The following ZNF664 variants were observed in gnomAD, a reference collection of about 807,000 sequenced individuals.
ZNF664 encodes the protein zinc finger Organ of Corti 1.
ZNF664 carries 10 observed loss-of-function variants against 18.2 expected under a neutral mutation model. That is an observed-to-expected ratio of 0.55 (90% CI 0.34 to 0.93). The LOEUF is 0.93. Ranked by LOEUF, ZNF664 falls within the 40% of genes least tolerant of loss-of-function variation. ZNF664 has a pLI of 0.02. For synonymous variants in ZNF664, 119 were observed against 104.2 expected (o/e 1.14, Z -0.86); for missense variants, 193 against 319.0 (o/e 0.61, Z 3.01).
intron 3 of ZNF664, among the ~76,000 whole-genome samples, chr12:123,991,498 G>A (rs1024097712): frequency 6.6e-6 from 1 of 152,156 alleles, no homozygotes; most frequent in African/African-American, 2.4e-5. Context: ...GACATTCTTG[G>A]CAAATGAATG....
intron 3 of ZNF664, among the ~76,000 whole-genome samples, chr12:124,002,728 G>C (rs1241976160): frequency 6.6e-6 from 1 of 152,152 alleles, no homozygotes; most frequent in Non-Finnish European, 1.5e-5. Context: ...AATGAGGAAG[G>C]AACAGTTTGA....
intron 2 of ZNF664, among the ~76,000 whole-genome samples, chr12:123,975,849 T>C (rs1303786282): frequency 1.3e-5 from 2 of 152,214 alleles, no homozygotes; most frequent in Non-Finnish European, 2.9e-5. Flanking sequence ...TTGTAAGTTG[T>C]ACATGTATTT....
intron 2 of ZNF664, chr12:123,987,833 CT>C (rs1956842925): frequency 2.3e-6 from 1 of 441,708 alleles, no homozygotes; most frequent in South Asian, 9.6e-5. Flanking sequence ...CTGGATTTTC[CT>C]TTCTGTGGTT....
intron 3 of ZNF664, among the ~76,000 whole-genome samples, chr12:123,995,044 T>G (rs1399338835): frequency 6.6e-6 from 1 of 152,218 alleles, no homozygotes; most frequent in Non-Finnish European, 1.5e-5. Flanking sequence ...ATTTGCATAC[T>G]CAGTAATCTG....
chr12:124,002,545 C>T (rs936819531), intron 3 of ZNF664, among the ~76,000 whole-genome samples: 3 of 152,060 alleles, frequency 2.0e-5, no homozygotes, highest in Non-Finnish European at 1.5e-5. Context: ...GTGACCGTGG[C>T]CTGGATAGGG....
rs1218679289 is a variant in ZNF664, at chr12:124,013,068, T to C, written c.*138T>C. On this transcript the variant is annotated 3_prime_UTR_variant, in exon 5 of 5. Coordinates refer to ENST00000337815, the MANE Select transcript of ZNF664 (RefSeq NM_152437.3). ...TGTTTCTGAGGAGGCATATGTGAGATTGATTTGTTGGTTCATGCCAAGTGT... is the reference window on the plus strand; with the variant it reads ...TGTTTCTGAGGAGGCATATGTGAGACTGATTTGTTGGTTCATGCCAAGTGT... The C allele has an allele frequency of 5.0e-6, 6 of 1,192,320 alleles. No individual in the cohort carries two copies. The highest frequency in any genetic ancestry group is 4.7e-5 in the African/African-American group (3 of 63,946). The allele number at this position is 1,192,320 out of a possible 1,614,324, so 73.9% of individuals were successfully genotyped here. A position where few individuals can be genotyped will look rare whatever the true frequency, so the allele number is the denominator to read the frequency against.
At chr12:123,982,599 A>G (rs1442793119) in intron 2 of ZNF664, among the ~76,000 whole-genome samples, 1 of 152,192 alleles carries the variant, frequency 6.6e-6, no homozygotes, top group Admixed American at 6.5e-5. Flanking sequence ...CTCTAGAAGG[A>G]CAATCTGATT....
intron 3 of ZNF664, among the ~76,000 whole-genome samples, chr12:124,001,484 G>A (rs908472922): frequency 3.1e-4 from 47 of 152,114 alleles, no homozygotes; most frequent in African/African-American, 7.2e-4. Flanking sequence ...GTTCTGTCCC[G>A]TGCTTGCCTC....
intron 3 of ZNF664, among the ~76,000 whole-genome samples, chr12:123,993,551 G>A (rs373194706): frequency 6.6e-6 from 1 of 152,276 alleles, no homozygotes; most frequent in African/African-American, 2.4e-5. Flanking sequence ...TTTTCTAAAG[G>A]TGTAGTAGAG....
Position 124,000,237 on chromosome 12 carries a change from C to T in ZNF664, c.-660-11144C>T, listed in dbSNP as rs1956995806. On this transcript the variant is annotated intron_variant, in intron 3 of 4. Coordinates refer to ENST00000337815, the MANE Select transcript of ZNF664 (RefSeq NM_152437.3). ...CACCCTCCAGACAACCATCTCACAC[C>T]ACCTCTGTTCTCCTCAAACCTCCAG... 2.6e-5 allele frequency among the ~76,000 whole-genome samples: 4 copies of T among 152,300 alleles called. No individual in the cohort carries two copies. In the South Asian group the frequency reaches 8.3e-4, roughly 32 times the overall value.
chr12:124,010,569 A>G (rs1957124098), intron 3 of ZNF664, among the ~76,000 whole-genome samples: 1 of 152,224 alleles, frequency 6.6e-6, no homozygotes, highest in Admixed American at 6.5e-5. Context: ...ACCAGAATGA[A>G]GCAGGATATG....
intron 2 of ZNF664, among the ~76,000 whole-genome samples, chr12:123,985,062 G>T (rs1290332232): frequency 6.6e-6 from 1 of 152,066 alleles, no homozygotes; most frequent in African/African-American, 2.4e-5. Context: ...TGTAGTGGGG[G>T]TGGGGGTACA....
chr12:124,012,249 G>A lies in ZNF664; in HGVS notation c.105G>A (p.Lys35=), dbSNP rs565655288. The change falls in exon 5 of 5, where the codon AAG becomes AAA. Residue 35 remains lysine (K), a synonymous_variant. Coordinates refer to ENST00000337815, the MANE Select transcript of ZNF664 (RefSeq NM_152437.3). The part of the protein sequence containing the change: ...HTAEKPHKCD[K]CDKGFFHISE... ...CTGAGAAGCCCCATAAATGTGACAA[G>A]TGTGATAAGGGTTTCTTTCATATAT... 5 of 1,614,210 alleles carry A rather than the reference G, an allele frequency of 3.1e-6. No homozygotes were observed. The Admixed American group carries it at 5.0e-5, about 16-fold the overall frequency.
At chr12:123,993,857 C>G (rs577480777) in intron 3 of ZNF664, among the ~76,000 whole-genome samples, 1 of 152,200 alleles carries the variant, frequency 6.6e-6, no homozygotes, top group East Asian at 1.9e-4. Context: ...AGGAGGAGTT[C>G]CTAACTAAGC....
chr12:123,979,654 G>A (rs1203944609), intron 2 of ZNF664, among the ~76,000 whole-genome samples: 3 of 152,126 alleles, frequency 2.0e-5, no homozygotes, highest in African/African-American at 7.2e-5. Flanking sequence ...GGAATATCAA[G>A]TAGCGTTTTG....
chr12:123,989,246 G>A (rs1335035381), intron 3 of ZNF664: 1 of 152,578 alleles, frequency 6.6e-6, no homozygotes, highest in Non-Finnish European at 1.5e-5. Flanking sequence ...GCCCCTGAAC[G>A]GAAAGGTCTT....
intron 3 of ZNF664, among the ~76,000 whole-genome samples, chr12:124,007,895 C>T (rs1396333072): frequency 2.6e-5 from 4 of 152,098 alleles, no homozygotes; most frequent in Admixed American, 6.5e-5. Flanking sequence ...CGACATGTCC[C>T]GTCATTCCTG....
rs768913110 is a variant in ZNF664, at chr12:124,012,940, C to G, written c.*10C>G. ...AATATCAGTTATATAAAACGTTTTG[C>G]TAAGAGTTTAAAATCTTAAAACCCA... On this transcript the variant is annotated 3_prime_UTR_variant, in exon 5 of 5. Coordinates refer to ENST00000337815, the MANE Select transcript of ZNF664 (RefSeq NM_152437.3). 8.1e-6 allele frequency: 13 copies of G among 1,609,780 alleles called. No individual in the cohort carries two copies. Among genetic ancestry groups the G allele is most frequent in the Middle Eastern group, 3.3e-4 (2 of 6,012 alleles).
At chr12:123,975,466 C>A (rs1261040914) in intron 2 of ZNF664, among the ~76,000 whole-genome samples, 1 of 150,870 alleles carries the variant, frequency 6.6e-6, no homozygotes, top group Non-Finnish European at 1.5e-5. Context: ...TTTCTGTTGC[C>A]GTGGCTGGAG....
Sources: allele counts gnomAD v4.1 joint callset (sites outside exome capture counted in the v4.1 genomes callset), GRCh38; gene constraint gnomAD v4.1.1; transcripts MANE v1.5; gene names NCBI Gene and HGNC (gene_info 2026-07-23, HGNC 2026-07-21).